IKZF1: variants seen among roughly 807,000 people sequenced by gnomAD.
The protein encoded by IKZF1 is DNA-binding protein Ikaros.
In IKZF1, 10 loss-of-function variants were observed where a neutral mutation model predicts 51.7. That is an observed-to-expected ratio of 0.19 (90% CI 0.12 to 0.33). IKZF1 has a LOEUF of 0.33. IKZF1 is among the 10% of genes least tolerant of loss of function. IKZF1 has a pLI of 1.00. For synonymous variants in IKZF1, 280 were observed against 282.3 expected (o/e 0.99, Z 0.08); for missense variants, 484 against 707.5 (o/e 0.68, Z 3.58).
At position 50,312,926 on chromosome 7, in the gene IKZF1, A is replaced by T. The variant is rs1301981144; in HGVS notation, c.-14-6122A>T. Among the ~76,000 whole-genome samples the T allele has an allele frequency of 7.2e-5, 11 of 152,144 alleles. No individual in the cohort carries two copies. The East Asian group carries it at 1.9e-3, about 27-fold the overall frequency. ...TTTTTCATTGTTATTTGCACCAGCA[A>T]TACTCTGTGGAATAATCATGAAAAT... On this transcript the variant is annotated intron_variant, in intron 1 of 7. Coordinates refer to ENST00000331340, the MANE Select transcript of IKZF1 (RefSeq NM_006060.6).
chr7:50,369,326 A>G (rs1305285354), intron 3 of IKZF1: 1 of 392,210 alleles, frequency 2.5e-6, no homozygotes, highest in East Asian at 3.6e-5. Flanking sequence ...GGTGTCAGCC[A>G]GAGCATATGT....
intron 3 of IKZF1, among the ~76,000 whole-genome samples, chr7:50,333,330 G>C (rs1014001432): frequency 9.4e-5 from 12 of 128,194 alleles, no homozygotes; most frequent in Non-Finnish European, 1.9e-4. Flanking sequence ...ACGGTAGTCG[G>C]GGGAGGGGGG....
At chr7:50,392,670 T>C (rs142725818) in intron 7 of IKZF1, among the ~76,000 whole-genome samples, 44 of 152,264 alleles carry the variant, frequency 2.9e-4, no homozygotes, top group African/African-American at 9.4e-4. Flanking sequence ...GACTCCAAGA[T>C]TGAGAAAACG....
intron 3 of IKZF1, among the ~76,000 whole-genome samples, chr7:50,344,292 G>C (rs1445655176): frequency 6.6e-6 from 1 of 152,210 alleles, no homozygotes; most frequent in African/African-American, 2.4e-5. Flanking sequence ...TTTGCCTTGT[G>C]TCTAGTGTGT....
At chr7:50,319,695 T>G (rs1182943575) in intron 2 of IKZF1, among the ~76,000 whole-genome samples, 1 of 152,174 alleles carries the variant, frequency 6.6e-6, no homozygotes, top group Non-Finnish European at 1.5e-5. Flanking sequence ...CCCCAGTGCA[T>G]GGACATAGGA....
intron 3 of IKZF1, among the ~76,000 whole-genome samples, chr7:50,372,743 A>G (rs1809093665): frequency 6.6e-6 from 1 of 152,228 alleles, no homozygotes; most frequent in African/African-American, 2.4e-5. Flanking sequence ...ACATCTAGCC[A>G]TCTAGGTGGA....
Position 50,403,694 on chromosome 7 carries a change from C to T in IKZF1, c.*3067C>T. On this transcript the variant is annotated 3_prime_UTR_variant, in exon 8 of 8. Transcript: ENST00000331340. Reference sequence around the variant, plus strand: ...GTCCTAGCACCAATTGCTTCACATACCAGCATGTTCCATTTCCAATTTAGA... The same window carrying T: ...GTCCTAGCACCAATTGCTTCACATATCAGCATGTTCCATTTCCAATTTAGA... 1 of 229,030 alleles carries T rather than the reference C, an allele frequency of 4.4e-6. No homozygotes were observed. Among genetic ancestry groups the T allele is most frequent in the Non-Finnish European group, 8.7e-6 (1 of 115,382 alleles). The allele number at this position is 229,030 out of a possible 1,614,324, so 14.2% of individuals were successfully genotyped here.
intron 3 of IKZF1, among the ~76,000 whole-genome samples, chr7:50,354,971 A>G (rs1802892143): frequency 1.3e-5 from 2 of 152,100 alleles, no homozygotes; most frequent in Non-Finnish European, 2.9e-5. Flanking sequence ...AATGCGTGGC[A>G]ATGCCTTTTG....
In IKZF1 at chr7:50,325,243, AC is replaced by A. The variant is rs534481859; in HGVS notation, c.41-2390del. Among the ~76,000 whole-genome samples the A allele has an allele frequency of 3.4e-4, 48 of 139,270 alleles. No homozygotes were observed. In the East Asian group the frequency reaches 9.6e-3, roughly 28 times the overall value. The allele number at this position is 139,270 out of a possible 152,430, so 91.4% of individuals were successfully genotyped here. A position where few individuals can be genotyped will look rare whatever the true frequency, so the allele number is the denominator to read the frequency against. ...TGTGTAAGATTATTTTGTTATTCTT[AC>A]CCCCACACCCACCCCCCAACCCCCC... On this transcript the variant is annotated intron_variant, in intron 2 of 7. Transcript: ENST00000331340.
chr7:50,333,780 T>A (rs1408294170), intron 3 of IKZF1, among the ~76,000 whole-genome samples: 2 of 152,236 alleles, frequency 1.3e-5, no homozygotes, highest in Admixed American at 6.5e-5. Flanking sequence ...CCCTTCATAG[T>A]TGAATTATTG....
intron 3 of IKZF1, among the ~76,000 whole-genome samples, chr7:50,359,831 T>G (rs1804676694): frequency 6.6e-6 from 1 of 152,194 alleles, no homozygotes; most frequent in African/African-American, 2.4e-5. Flanking sequence ...ACTCTCAGCT[T>G]GAGCTCATGC....
chr7:50,368,679 G>T, intron 3 of IKZF1: 1 of 286,736 alleles, frequency 3.5e-6, no homozygotes, highest in Non-Finnish European at 6.5e-6. Context: ...TAGATATTGA[G>T]CTGATAAATG....
intron 4 of IKZF1, among the ~76,000 whole-genome samples, chr7:50,380,634 A>T (rs1811588275): frequency 6.6e-6 from 1 of 152,218 alleles, no homozygotes; most frequent in African/African-American, 2.4e-5. Context: ...TTCTCCTGAG[A>T]GGCCACCCTG....
At chr7:50,337,907 A>AT (rs1341656405) in intron 3 of IKZF1, among the ~76,000 whole-genome samples, 2 of 152,174 alleles carry the variant, frequency 1.3e-5, no homozygotes, top group Non-Finnish European at 2.9e-5. Flanking sequence ...ATGTCTCCAC[A>AT]TTTCTCAGGT....
intron 4 of IKZF1, among the ~76,000 whole-genome samples, chr7:50,377,733 T>C (rs1342831370): frequency 2.6e-5 from 4 of 152,234 alleles, no homozygotes; most frequent in Admixed American, 2.6e-4. Flanking sequence ...AGGTTTCTTA[T>C]GAATTGAAGA....
At chr7:50,313,550 C>T (rs914231921) in intron 1 of IKZF1, among the ~76,000 whole-genome samples, 44 of 152,256 alleles carry the variant, frequency 2.9e-4, no homozygotes, top group African/African-American at 1.0e-3. Context: ...TTGGAGTGTG[C>T]GACCCCTGCA....
At chr7:50,311,542 G>T (rs771401981) in intron 1 of IKZF1, among the ~76,000 whole-genome samples, 1 of 152,182 alleles carries the variant, frequency 6.6e-6, no homozygotes, top group Non-Finnish European at 1.5e-5. Context: ...TTCTTGTGAA[G>T]ATCTAAATAA....
chr7:50,399,520 G>A (rs1315686172), intron 7 of IKZF1, among the ~76,000 whole-genome samples: 6 of 151,880 alleles, frequency 4.0e-5, no homozygotes, highest in Admixed American at 3.9e-4. Context: ...TTAGCCAGTT[G>A]TAAATTACTG....
intron 3 of IKZF1, among the ~76,000 whole-genome samples, chr7:50,349,873 A>C (rs915379817): frequency 5.9e-5 from 9 of 152,214 alleles, no homozygotes; most frequent in African/African-American, 1.9e-4. Flanking sequence ...ATAAGGCTGA[A>C]ACCTATGAGC....
Sources: gnomAD v4.1 joint callset for allele counts (sites outside exome capture counted in the v4.1 genomes callset) on GRCh38, gnomAD v4.1.1 for gene constraint, MANE v1.5 for transcripts, NCBI Gene and HGNC (gene_info 2026-07-23, HGNC 2026-07-21) for gene names.